The following SNX10 variants were observed in gnomAD, a reference collection of about 807,000 sequenced individuals.
SNX10 encodes the protein sorting nexin 10.
Under a neutral mutation model 28.5 loss-of-function variants are expected in SNX10, and 25 were observed. The observed-to-expected ratio is 0.88, with a 90% CI of 0.64 to 1.22. The LOEUF is 1.22. Among genes scored for constraint, SNX10 ranks in the 50% most tolerant of loss-of-function variants. SNX10 has a pLI of 0.00. For missense variants in SNX10, 223 were observed against 242.6 expected, an observed-to-expected ratio of 0.92 and a Z score of 0.54; for synonymous variants, 62 against 81.4, an observed-to-expected ratio of 0.76 and a Z score of 1.28.
intron 1 of SNX10, among the ~76,000 whole-genome samples, chr7:26,343,710 T>C (rs942782287): frequency 5.9e-5 from 9 of 152,144 alleles, no homozygotes; most frequent in African/African-American, 2.2e-4. Flanking sequence ...GTGGGGAGCA[T>C]GGGCAGATCC....
chr7:26,318,095 C>G (rs995182714), intron 1 of SNX10, among the ~76,000 whole-genome samples: 1 of 152,200 alleles, frequency 6.6e-6, no homozygotes, highest in Non-Finnish European at 1.5e-5. Flanking sequence ...CCAGAATATA[C>G]TAGAATTTTA....
intron 2 of SNX10, among the ~76,000 whole-genome samples, chr7:26,346,970 C>T (rs1035143942): frequency 3.2e-4 from 49 of 152,340 alleles, no homozygotes; most frequent in African/African-American, 1.1e-3. Context: ...CTGGGAGGAG[C>T]GTAGGACAGC....
chr7:26,310,093 C>G (rs1786762747), intron 1 of SNX10, among the ~76,000 whole-genome samples: 1 of 152,210 alleles, frequency 6.6e-6, no homozygotes, highest in Non-Finnish European at 1.5e-5. Context: ...AAAACAGAGG[C>G]CACTTCACTC....
At chr7:26,307,961 C>T (rs1411893961) in intron 1 of SNX10, among the ~76,000 whole-genome samples, 6 of 152,172 alleles carry the variant, frequency 3.9e-5, no homozygotes, top group Non-Finnish European at 8.8e-5. Flanking sequence ...TGAATCACTG[C>T]CATCATGTCA....
At chr7:26,351,800 G>T (rs1401403400) in intron 2 of SNX10, among the ~76,000 whole-genome samples, 2 of 151,850 alleles carry the variant, frequency 1.3e-5, no homozygotes, top group Non-Finnish European at 2.9e-5. Context: ...GGGACTACAG[G>T]TGCCTGCCAC....
chr7:26,349,319 T>C (rs956099399), intron 2 of SNX10, among the ~76,000 whole-genome samples: 5 of 151,916 alleles, frequency 3.3e-5, no homozygotes, highest in African/African-American at 1.2e-4. Context: ...GTCTAAATGG[T>C]AGTACTGACC....
chr7:26,338,768 C>G (rs1054174284), intron 1 of SNX10, among the ~76,000 whole-genome samples: 2 of 152,150 alleles, frequency 1.3e-5, no homozygotes, highest in Admixed American at 1.3e-4. Context: ...GCTGATTGGT[C>G]AGGTTGGAGA....
Position 26,354,386 on chromosome 7 carries a change from T to A in SNX10, c.25-6589T>A, listed in dbSNP as rs1025221287. On this transcript the variant is annotated intron_variant, in intron 2 of 6. Coordinates refer to ENST00000338523, the MANE Select transcript of SNX10 (RefSeq NM_013322.3). ...GTGTTTTGAGACAGGGTCTCTCTTG[T>A]TGAGGCTGGAGTGCAGTGGTGTGAT... 6.6e-5 allele frequency among the ~76,000 whole-genome samples: 10 copies of A among 152,312 alleles called. No individual in the cohort carries two copies. The South Asian group carries it at 1.2e-3, about 19-fold the overall frequency.
chr7:26,367,258 T>G (rs17153525), intron 5 of SNX10, among the ~76,000 whole-genome samples: 18,430 of 152,148 alleles, frequency 0.12, 2,244 homozygotes, highest in East Asian at 0.32. Context: ...GCCACGGACA[T>G]AGGACTGCAC....
intron 1 of SNX10, among the ~76,000 whole-genome samples, chr7:26,323,865 A>G (rs1455808543): frequency 1.3e-5 from 2 of 152,348 alleles, no homozygotes; most frequent in East Asian, 3.9e-4. Flanking sequence ...ATGTATCTCC[A>G]GATAGCACCT....
chr7:26,339,095 C>T lies in SNX10; in HGVS notation c.-23-7325C>T, dbSNP rs1179155077. Among the ~76,000 whole-genome samples the T allele has an allele frequency of 3.3e-5, 5 of 152,170 alleles. No individual in the cohort carries two copies. In the East Asian group the frequency reaches 5.8e-4, roughly 18 times the overall value. ...ACCCCAGGCAAGAAAGGGGTCTTTT[C>T]GGGAAAGGGCTGTTACCAGTTTTGT... On this transcript the variant is annotated intron_variant, in intron 1 of 6. Transcript: ENST00000338523.
intron 1 of SNX10, among the ~76,000 whole-genome samples, chr7:26,333,364 G>A (rs1299230560): frequency 3.7e-4 from 46 of 125,712 alleles, no homozygotes; most frequent in African/African-American, 1.1e-3. Flanking sequence ...TGGCTCTGTC[G>A]CCCAGGCTGG....
Position 26,370,792 on chromosome 7 carries a change from G to T in SNX10, c.312-1029G>T, listed in dbSNP as rs76237892. The T allele has an allele frequency of 1.8e-3, 273 of 152,210 alleles. 1 individual carries two copies. Among genetic ancestry groups the T allele is most frequent in the Middle Eastern group, 6.8e-3 (2 of 294 alleles). 9.4% of individuals were successfully genotyped at this position (152,210 alleles called of 1,614,324 possible). ...GATCGTTATATCGGAAAAATCTTAT[G>T]TTGGACAAAATTCTACTTGGGTTTT... On this transcript the variant is annotated intron_variant, in intron 5 of 6. Coordinates refer to ENST00000338523, the MANE Select transcript of SNX10 (RefSeq NM_013322.3).
rs139994763 is a variant in SNX10, at chr7:26,348,192, C to T, written c.24+1726C>T. ...TCCAGTCAGTCCCCCTCACTTCCAC[C>T]CCTAGAGGTGACCTTCCACAATACC... On this transcript the variant is annotated intron_variant, in intron 2 of 6. Coordinates refer to ENST00000338523, the MANE Select transcript of SNX10 (RefSeq NM_013322.3). Among the ~76,000 whole-genome samples, 800 of 152,286 alleles carry T rather than the reference C, an allele frequency of 5.3e-3. 3 individuals are homozygous for T. The highest frequency in any genetic ancestry group is 7.9e-3 in the Non-Finnish European group (536 of 68,024).
chr7:26,319,695 T>C (rs1242192867), intron 1 of SNX10, among the ~76,000 whole-genome samples: 1 of 152,198 alleles, frequency 6.6e-6, no homozygotes, highest in Non-Finnish European at 1.5e-5. Flanking sequence ...TCTTATTTTG[T>C]TTTTCTTCTA....
At chr7:26,318,482 A>G (rs1346510334) in intron 1 of SNX10, among the ~76,000 whole-genome samples, 1 of 152,050 alleles carries the variant, frequency 6.6e-6, no homozygotes, top group Non-Finnish European at 1.5e-5. Flanking sequence ...TATTATTATT[A>G]TTTGAGACAG....
chr7:26,305,633 C>T (rs962551938), intron 1 of SNX10, among the ~76,000 whole-genome samples: 3 of 152,160 alleles, frequency 2.0e-5, no homozygotes, highest in Non-Finnish European at 4.4e-5. Flanking sequence ...TCTGTCTAAA[C>T]ACACAGGAAA....
chr7:26,338,436 G>A (rs1788030626), intron 1 of SNX10, among the ~76,000 whole-genome samples: 1 of 151,848 alleles, frequency 6.6e-6, no homozygotes, highest in Admixed American at 6.6e-5. Context: ...CGTTGTTGCT[G>A]TTGTTTTGAG....
Position 26,372,472 on chromosome 7 carries a change from C to T in SNX10, c.525-19C>T. 6.6e-7 allele frequency: 1 copy of T among 1,515,356 alleles called. No homozygotes were observed. The highest frequency in any genetic ancestry group is 9.2e-7 in the Non-Finnish European group (1 of 1,090,912). The allele number at this position is 1,515,356 out of a possible 1,614,324, so 93.9% of individuals were successfully genotyped here. ...CCAATTTCCTCTTTTTATTATTTTC[C>T]CCCTCTCTTCTTTTCCAGTTCATCC... On this transcript the variant is annotated intron_variant, in intron 6 of 6. Coordinates refer to ENST00000338523, the MANE Select transcript of SNX10 (RefSeq NM_013322.3).
Sources: allele counts gnomAD v4.1 joint callset (sites outside exome capture counted in the v4.1 genomes callset), GRCh38; gene constraint gnomAD v4.1.1; transcripts MANE v1.5; gene names NCBI Gene and HGNC (gene_info 2026-07-23, HGNC 2026-07-21).